The following SLC25A21 variants were observed in gnomAD, a reference collection of about 807,000 sequenced individuals.
The protein encoded by SLC25A21 is mitochondrial 2-oxodicarboxylate carrier.
A neutral mutation model predicts 43.8 loss-of-function variants in SLC25A21; 47 were observed. The ratio of observed to expected loss-of-function variants is 1.07; its 90% CI spans 0.85 to 1.37. SLC25A21 has a LOEUF of 1.37. Ranked by LOEUF, SLC25A21 falls within the 40% of genes most tolerant of loss-of-function variation. The pLI is 0.00. For missense variants in SLC25A21, 352 were observed against 350.2 expected, an observed-to-expected ratio of 1.00 and a Z score of -0.04; for synonymous variants, 131 against 121.3, an observed-to-expected ratio of 1.08 and a Z score of -0.52.
At chr14:37,011,861 T>A (rs2138740178) in intron 1 of SLC25A21, among the ~76,000 whole-genome samples, 1 of 152,368 alleles carries the variant, frequency 6.6e-6, no homozygotes, top group Non-Finnish European at 1.5e-5. Context: ...AATCATTTGT[T>A]ATCTCTCTGT....
chr14:36,765,561 T>C (rs1165765306), intron 3 of SLC25A21, among the ~76,000 whole-genome samples: 2 of 152,320 alleles, frequency 1.3e-5, no homozygotes, highest in Admixed American at 6.5e-5. Context: ...TTGTATATCA[T>C]GGCTTACTGT....
At chr14:36,814,982 T>C (rs908802893) in intron 2 of SLC25A21, among the ~76,000 whole-genome samples, 2 of 152,146 alleles carry the variant, frequency 1.3e-5, no homozygotes, top group Non-Finnish European at 2.9e-5. Flanking sequence ...TGGAATACTA[T>C]GCAGCAATAA....
chr14:36,898,066 G>A (rs112546646), intron 1 of SLC25A21, among the ~76,000 whole-genome samples: 9 of 152,310 alleles, frequency 5.9e-5, no homozygotes, highest in African/African-American at 1.7e-4. Flanking sequence ...AAAGCTGTCA[G>A]ACAGGGACAT....
intron 3 of SLC25A21, among the ~76,000 whole-genome samples, chr14:36,777,374 G>T (rs1050968774): frequency 6.6e-6 from 1 of 152,166 alleles, no homozygotes; most frequent in African/African-American, 2.4e-5. Context: ...TAATGAGTTG[G>T]ATAGTGGCCC....
chr14:36,688,164 A>G (rs1882634305), intron 7 of SLC25A21, among the ~76,000 whole-genome samples: 1 of 152,130 alleles, frequency 6.6e-6, no homozygotes, highest in Non-Finnish European at 1.5e-5. Flanking sequence ...TTTCTCCATC[A>G]TATTCACCTA....
intron 1 of SLC25A21, among the ~76,000 whole-genome samples, chr14:37,003,600 C>T (rs954015474): frequency 6.6e-6 from 1 of 152,148 alleles, no homozygotes; most frequent in African/African-American, 2.4e-5. Context: ...ATCACAACTG[C>T]ATGCAAAAGC....
chr14:37,050,354 A>T (rs1208729143), intron 1 of SLC25A21, among the ~76,000 whole-genome samples: 1 of 152,238 alleles, frequency 6.6e-6, no homozygotes, highest in Non-Finnish European at 1.5e-5. Flanking sequence ...GAAATCGGGT[A>T]TCTTTCATGT....
In SLC25A21 at chr14:37,012,771, C is replaced by T. The variant is rs148082490; in HGVS notation, c.71-137767G>A. ...TTCATAATAGATCAAACACTTAGGA[C>T]ACTCAGTGTAGAACAACTGCTCTTG... is the stretch of plus-strand genomic sequence containing the variant. On this transcript the variant is annotated intron_variant, in intron 1 of 9. Transcript: ENST00000331299. Among the ~76,000 whole-genome samples, 496 of 152,312 alleles carry T rather than the reference C, an allele frequency of 3.3e-3. 1 individual carries two copies. The highest frequency in any genetic ancestry group is 0.011 in the African/African-American group (448 of 41,562).
At chr14:36,948,103 T>C (rs1456558245) in intron 1 of SLC25A21, among the ~76,000 whole-genome samples, 1 of 152,186 alleles carries the variant, frequency 6.6e-6, no homozygotes, top group Non-Finnish European at 1.5e-5. Flanking sequence ...TTAGAAATCC[T>C]AGTTCTTAAG....
intron 3 of SLC25A21, among the ~76,000 whole-genome samples, chr14:36,792,883 A>T (rs1017541107): frequency 2.0e-5 from 3 of 152,024 alleles, no homozygotes; most frequent in African/African-American, 7.2e-5. Flanking sequence ...ATCAAGAAAA[A>T]ATCATTTTAC....
At chr14:36,983,214 C>G (rs1208192817) in intron 1 of SLC25A21, among the ~76,000 whole-genome samples, 1 of 152,198 alleles carries the variant, frequency 6.6e-6, no homozygotes, top group Non-Finnish European at 1.5e-5. Context: ...AGTGCATTTT[C>G]AATGAGTAGT....
chr14:36,952,739 C>T (rs561831841), intron 1 of SLC25A21, among the ~76,000 whole-genome samples: 4 of 152,146 alleles, frequency 2.6e-5, no homozygotes, highest in African/African-American at 9.7e-5. Context: ...GATTCCTTAG[C>T]GTTGTGACAA....
At chr14:37,079,940 C>A (rs114323206) in intron 1 of SLC25A21, among the ~76,000 whole-genome samples, 1 of 151,820 alleles carries the variant, frequency 6.6e-6, no homozygotes, top group Admixed American at 6.6e-5. Flanking sequence ...GGAAAGAGTG[C>A]CCTTATAGAA....
chr14:36,771,252 A>T (rs1886607397), intron 3 of SLC25A21, among the ~76,000 whole-genome samples: 1 of 152,234 alleles, frequency 6.6e-6, no homozygotes, highest in Non-Finnish European at 1.5e-5. Context: ...CAAGTACTGT[A>T]TGAGTCTTAC....
intron 3 of SLC25A21, among the ~76,000 whole-genome samples, chr14:36,757,187 G>C (rs1049123946): frequency 5.3e-5 from 8 of 152,108 alleles, no homozygotes; most frequent in African/African-American, 1.9e-4. Context: ...GAGCCTGGGA[G>C]GCAGAGATTG....
intron 3 of SLC25A21, among the ~76,000 whole-genome samples, chr14:36,739,712 G>T (rs17105196): frequency 0.23 from 35,038 of 151,234 alleles, 4,318 homozygotes; most frequent in Middle Eastern, 0.31. Context: ...GGCACACCAG[G>T]ATAATTCTGT....
intron 1 of SLC25A21, among the ~76,000 whole-genome samples, chr14:36,964,057 C>T (rs1310452960): frequency 6.6e-6 from 1 of 152,004 alleles, no homozygotes; most frequent in East Asian, 1.9e-4. Context: ...CATGAAAAAC[C>T]AAAATGGGTA....
intron 1 of SLC25A21, among the ~76,000 whole-genome samples, chr14:36,979,323 G>GGTT (rs1555340035): frequency 9.7e-5 from 12 of 123,774 alleles, no homozygotes; most frequent in East Asian, 7.9e-4. Context: ...TTAAGGTAGT[G>GGTT]TTTTTTTGGT....
At chr14:37,144,001 G>A (rs1056217021) in intron 1 of SLC25A21, among the ~76,000 whole-genome samples, 1 of 152,170 alleles carries the variant, frequency 6.6e-6, no homozygotes, top group Non-Finnish European at 1.5e-5. Flanking sequence ...ACAAGAGTCA[G>A]AAAAGCATGC....
Sources: gnomAD v4.1 joint callset for allele counts (sites outside exome capture counted in the v4.1 genomes callset) on GRCh38, gnomAD v4.1.1 for gene constraint, MANE v1.5 for transcripts, NCBI Gene and HGNC (gene_info 2026-07-23, HGNC 2026-07-21) for gene names.